MTHFD1: variants seen among roughly 807,000 people sequenced by gnomAD.
MTHFD1 encodes methylenetetrahydrofolate dehydrogenase, cyclohydrolase and formyltetrahydrofolate synthetase 1, also known as C-1-tetrahydrofolate synthase, cytoplasmic.
A neutral mutation model predicts 110.3 loss-of-function variants in MTHFD1; 44 were observed. The observed-to-expected ratio is 0.40, with a 90% confidence interval of 0.31 to 0.51. The LOEUF (loss-of-function observed/expected upper bound fraction) is 0.51. Ranked by LOEUF, MTHFD1 falls within the 20% of genes least tolerant of loss-of-function variation. The pLI is 0.60. For synonymous variants in MTHFD1, 402 were observed against 428.8 expected (o/e 0.94, Z 0.77); for missense variants, 909 against 1,173.1 (o/e 0.77, Z 3.29).
chr14:64,400,255 G>A (rs948047577), intron 1 of MTHFD1, among the ~76,000 whole-genome samples: 9 of 152,166 alleles, frequency 5.9e-5, no homozygotes, highest in South Asian at 2.1e-4. Flanking sequence ...AGGCTTGGTG[G>A]CGCATGCCTG....
At chr14:64,430,321 G>A (rs2078148250) in intron 13 of MTHFD1, 91 bp downstream of exon 13, 1 of 1,222,124 alleles carries the variant, frequency 8.2e-7, no homozygotes. Context: ...TCCCCATGAC[G>A]GAGTCTTGCT....
At chr14:64,442,928 C>T (rs2078259960) in intron 21 of MTHFD1, among the ~76,000 whole-genome samples, 1 of 152,144 alleles carries the variant, frequency 6.6e-6, no homozygotes, top group African/African-American at 2.4e-5. Context: ...CTCATCCTCA[C>T]CTCCAGCCTG....
intron 24 of MTHFD1, among the ~76,000 whole-genome samples, chr14:64,450,908 C>A (rs1390801294): frequency 6.6e-6 from 1 of 152,094 alleles, no homozygotes; most frequent in Non-Finnish European, 1.5e-5. Flanking sequence ...TGGCTCACCC[C>A]TGTAACCCCA....
At chr14:64,424,476 T>G (rs1317388684) in intron 8 of MTHFD1, among the ~76,000 whole-genome samples, 1 of 152,152 alleles carries the variant, frequency 6.6e-6, no homozygotes, top group Admixed American at 6.6e-5. Context: ...CTTTAGCAAA[T>G]TAACATTTTA....
At chr14:64,406,705 C>G (rs2077938970) in intron 2 of MTHFD1, among the ~76,000 whole-genome samples, 1 of 152,082 alleles carries the variant, frequency 6.6e-6, no homozygotes, top group African/African-American at 2.4e-5. Flanking sequence ...AGACTGAGCT[C>G]AAGTGATCCA....
intron 1 of MTHFD1, chr14:64,388,672 G>C: frequency 1.6e-6 from 1 of 630,818 alleles, no homozygotes; most frequent in Non-Finnish European, 2.9e-6. Context: ...GTAGCCGCTG[G>C]CTCCTGTGCT....
chr14:64,400,914 G>T (rs750608799), intron 2 of MTHFD1, 37 bp downstream of exon 2: 31 of 1,458,616 alleles, frequency 2.1e-5, no homozygotes, highest in Non-Finnish European at 2.9e-5. Flanking sequence ...TGTTGTCTTT[G>T]CTTGATTTCT....
chr14:64,423,787 C>T (rs1019059527), intron 8 of MTHFD1, among the ~76,000 whole-genome samples: 8 of 151,058 alleles, frequency 5.3e-5, no homozygotes, highest in African/African-American at 1.5e-4. Context: ...AGTGCAGTGA[C>T]GCAATCTCCG....
chr14:64,400,390 A>C (rs539343243), intron 1 of MTHFD1, among the ~76,000 whole-genome samples: 1 of 150,978 alleles, frequency 6.6e-6, no homozygotes, highest in Non-Finnish European at 1.5e-5. Context: ...CTTGGTCTCA[A>C]AAAAAAAGAG....
intron 22 of MTHFD1, among the ~76,000 whole-genome samples, chr14:64,446,139 TA>T (rs1166967558): frequency 3.3e-5 from 5 of 152,222 alleles, no homozygotes; most frequent in Non-Finnish European, 7.3e-5. Flanking sequence ...ATACCCTTTG[TA>T]AAAAATAATA....
At chr14:64,435,897 T>C (rs1249757473) in intron 16 of MTHFD1, among the ~76,000 whole-genome samples, 3 of 152,234 alleles carry the variant, frequency 2.0e-5, no homozygotes, top group Non-Finnish European at 4.4e-5. Flanking sequence ...AACATTTTGC[T>C]GGCTATTCAG....
chr14:64,393,380 C>T (rs1177898491), intron 1 of MTHFD1, among the ~76,000 whole-genome samples: 1 of 151,830 alleles, frequency 6.6e-6, no homozygotes, highest in Non-Finnish European at 1.5e-5. Context: ...GCACTCCAGC[C>T]TGGGCAACAA....
chr14:64,419,002 A>T (rs1326400461), intron 7 of MTHFD1, among the ~76,000 whole-genome samples: 1 of 152,072 alleles, frequency 6.6e-6, no homozygotes, highest in African/African-American at 2.4e-5. Context: ...GACTACAGGC[A>T]TGTGCCACCA....
chr14:64,389,587 T>C (rs532917366), intron 1 of MTHFD1, among the ~76,000 whole-genome samples: 4 of 152,040 alleles, frequency 2.6e-5, no homozygotes, highest in Non-Finnish European at 5.9e-5. Context: ...CAGGCATCTG[T>C]AATCCCAGCT....
At chr14:64,414,815 G>A (rs937035747) in intron 4 of MTHFD1, among the ~76,000 whole-genome samples, 2 of 151,746 alleles carry the variant, frequency 1.3e-5, no homozygotes, top group African/African-American at 2.4e-5. Context: ...TCAGCCTCCC[G>A]AGTAGCTAGG....
At chr14:64,447,412 C>A (rs1461288611) in intron 22 of MTHFD1, among the ~76,000 whole-genome samples, 2 of 151,344 alleles carry the variant, frequency 1.3e-5, no homozygotes, top group African/African-American at 2.4e-5. Flanking sequence ...CCTCGGCCCC[C>A]CAAAGTGCTG....
chr14:64,416,750 T>G (rs1596539875), intron 6 of MTHFD1, among the ~76,000 whole-genome samples: 1 of 152,204 alleles, frequency 6.6e-6, no homozygotes, highest in African/African-American at 2.4e-5. Context: ...TCAGCATATT[T>G]AGCAAACATT....
At chr14:64,407,161 T>C (rs2140950205) in intron 2 of MTHFD1, among the ~76,000 whole-genome samples, 1 of 152,300 alleles carries the variant, frequency 6.6e-6, no homozygotes, top group Admixed American at 6.5e-5. Context: ...AGACTTGACT[T>C]TTCATTATAA....
chr14:64,437,354 A>T (rs1408299321), intron 16 of MTHFD1, among the ~76,000 whole-genome samples: 2 of 152,180 alleles, frequency 1.3e-5, no homozygotes, highest in East Asian at 3.8e-4. Flanking sequence ...AGGAATATGG[A>T]TCAATTTAAT....
Sources: allele counts gnomAD v4.1 joint callset (sites outside exome capture counted in the v4.1 genomes callset), GRCh38; gene constraint gnomAD v4.1.1; transcripts MANE v1.5; gene names NCBI Gene and HGNC (gene_info 2026-07-23, HGNC 2026-07-21).